Variants in SLC35F4 observed in about 807,000 individuals in gnomAD.
SLC35F4 encodes solute carrier family 35 member F4.
SLC35F4 carries 24 observed loss-of-function variants against 44.2 expected under a neutral mutation model. The observed-to-expected ratio is 0.54, with a 90% CI of 0.39 to 0.76. The LOEUF (loss-of-function observed/expected upper bound fraction) is 0.76, where lower values mean the gene tolerates loss of function less well. Ranked by LOEUF, SLC35F4 falls within the 30% of genes least tolerant of loss-of-function variation. The probability of loss-of-function intolerance (pLI) is 0.00; values close to 1 mark genes in which losing one functional copy is unlikely to be tolerated. For synonymous variants in SLC35F4, 238 were observed against 223.6 expected, an observed-to-expected ratio of 1.06 and a Z score of -0.57; for missense variants, 562 against 586.1, an observed-to-expected ratio of 0.96 and a Z score of 0.42.
Position 57,653,811 on chromosome 14 carries a change from C to T in SLC35F4, c.104-59687G>A, listed in dbSNP as rs947825869. Among the ~76,000 whole-genome samples, 8 of 152,276 alleles carry T rather than the reference C, an allele frequency of 5.3e-5. No homozygotes were observed. In the South Asian group the frequency reaches 1.2e-3, roughly 24 times the overall value. On this transcript the variant is annotated intron_variant, in intron 1 of 7. Transcript: ENST00000556826. Reference sequence around the variant, plus strand: ...GTTTGCTAGGGCTGCTGTAACAAAGCACCATAAACGGAGTGACTTAAAACA... The same window carrying T: ...GTTTGCTAGGGCTGCTGTAACAAAGTACCATAAACGGAGTGACTTAAAACA...
chr14:57,623,297 C>A (rs1179481679), intron 1 of SLC35F4, among the ~76,000 whole-genome samples: 2 of 152,100 alleles, frequency 1.3e-5, no homozygotes, highest in African/African-American at 4.8e-5. Context: ...TACAGAAGCA[C>A]CCAGATTTGT....
At chr14:57,669,880 G>C (rs1271573426) in intron 1 of SLC35F4, among the ~76,000 whole-genome samples, 5 of 152,092 alleles carry the variant, frequency 3.3e-5, no homozygotes, top group Non-Finnish European at 7.3e-5. Flanking sequence ...TTTTTCTACG[G>C]ATTGGAATAG....
At chr14:57,660,692 C>G (rs1034001614) in intron 1 of SLC35F4, among the ~76,000 whole-genome samples, 3 of 152,054 alleles carry the variant, frequency 2.0e-5, no homozygotes, top group Admixed American at 6.6e-5. Context: ...GAGCACTGCT[C>G]TGGGGGAAGC....
intron 1 of SLC35F4, among the ~76,000 whole-genome samples, chr14:57,838,713 C>T (rs1430745611): frequency 3.9e-5 from 6 of 152,036 alleles, no homozygotes; most frequent in Admixed American, 2.6e-4. Flanking sequence ...TGATCAAGTA[C>T]CAACATAAAT....
At position 57,965,467 on chromosome 14, in the gene SLC35F4, T is replaced by G. The variant is rs77766747; in HGVS notation, n.282+16446A>C. ...CTTTAATTTCATCTGCAATCTTAATTCCCCTTTACATGTAAGATCACATAC... is the reference window on the plus strand; with the variant it reads ...CTTTAATTTCATCTGCAATCTTAATGCCCCTTTACATGTAAGATCACATAC... On this transcript the variant is annotated intron_variant and non_coding_transcript_variant, in intron 1 of 1. Transcript: ENST00000556568. Among the ~76,000 whole-genome samples, 537 of 152,300 alleles carry G rather than the reference T, an allele frequency of 3.5e-3. 3 individuals are homozygous for G. The highest frequency in any genetic ancestry group is 0.012 in the African/African-American group (519 of 41,556).
intron 1 of SLC35F4, among the ~76,000 whole-genome samples, chr14:57,633,980 A>C (rs1278801966): frequency 1.3e-5 from 2 of 152,092 alleles, no homozygotes; most frequent in African/African-American, 4.8e-5. Context: ...GAGCCAGAAA[A>C]GGGGATGTAG....
intron 1 of SLC35F4, among the ~76,000 whole-genome samples, chr14:57,738,787 A>ATATATATATATATATATG (rs1491518109): frequency 4.1e-5 from 4 of 96,930 alleles, no homozygotes; most frequent in East Asian, 3.0e-4. Context: ...ATATATATAT[A>ATATATATATATATATATG]GGCTTCATAT....
intron 1 of SLC35F4, among the ~76,000 whole-genome samples, chr14:57,942,826 C>A (rs900833338): frequency 2.6e-5 from 4 of 152,180 alleles, no homozygotes; most frequent in Admixed American, 2.0e-4. Context: ...ATTTACCAAG[C>A]AATTTCATAT....
intron 1 of SLC35F4, among the ~76,000 whole-genome samples, chr14:57,629,200 C>G (rs1938598967): frequency 6.6e-6 from 1 of 152,104 alleles, no homozygotes; most frequent in South Asian, 2.1e-4. Context: ...TGTCTAGCTG[C>G]TGTTCTGAAA....
At chr14:57,727,214 T>C (rs978129028) in intron 1 of SLC35F4, among the ~76,000 whole-genome samples, 15 of 151,866 alleles carry the variant, frequency 9.9e-5, no homozygotes, top group African/African-American at 3.6e-4. Context: ...TTTATTGGTA[T>C]ATAGTAGCCA....
downstream of SLC35F4, among the ~76,000 whole-genome samples, chr14:57,974,026 T>A (rs1690141405): frequency 6.6e-6 from 1 of 152,098 alleles, no homozygotes; most frequent in Non-Finnish European, 1.5e-5. Context: ...ACATCAACCA[T>A]TTTATTAAAT....
At chr14:57,601,819 T>TG (rs2070842229) in intron 1 of SLC35F4, among the ~76,000 whole-genome samples, 2 of 152,180 alleles carry the variant, frequency 1.3e-5, no homozygotes, top group South Asian at 4.1e-4. Flanking sequence ...ACAAAAAGCC[T>TG]TGTGTATATT....
chr14:57,744,445 G>C (rs1935007203), intron 1 of SLC35F4, among the ~76,000 whole-genome samples: 1 of 151,708 alleles, frequency 6.6e-6, no homozygotes, highest in Admixed American at 6.6e-5. Flanking sequence ...GACAAATGGA[G>C]AGCCAAATCA....
At chr14:57,961,962 C>T (rs1266755812) in intron 1 of SLC35F4, among the ~76,000 whole-genome samples, 1 of 152,126 alleles carries the variant, frequency 6.6e-6, no homozygotes, top group Non-Finnish European at 1.5e-5. Flanking sequence ...GACTGAATTA[C>T]CCAACACCTG....
chr14:57,579,720 C>G (rs117378244), intron 4 of SLC35F4, among the ~76,000 whole-genome samples: 2 of 152,282 alleles, frequency 1.3e-5, no homozygotes, highest in South Asian at 2.1e-4. Flanking sequence ...ACCCCCACTT[C>G]GTGCCCTGTA....
chr14:57,954,805 A>C (rs1050658613), intron 1 of SLC35F4, among the ~76,000 whole-genome samples: 11 of 152,158 alleles, frequency 7.2e-5, no homozygotes, highest in African/African-American at 2.7e-4. Context: ...CCAAAAAAAA[A>C]GCCCAGGACC....
At chr14:57,885,600 T>A (rs894940727) in intron 1 of SLC35F4, among the ~76,000 whole-genome samples, 1 of 152,222 alleles carries the variant, frequency 6.6e-6, no homozygotes, top group Non-Finnish European at 1.5e-5. Context: ...TAAAGGTACA[T>A]GAATTAAAAT....
At chr14:57,794,811 G>A (rs745758702) in intron 1 of SLC35F4, among the ~76,000 whole-genome samples, 1 of 151,968 alleles carries the variant, frequency 6.6e-6, no homozygotes, top group African/African-American at 2.4e-5. Context: ...TCGAAAATAG[G>A]TGCTTCATGA....
chr14:57,945,439 ATGTGTGTGTGTGTGTGTGTGTGTGTG>A (rs58976756), intron 1 of SLC35F4, among the ~76,000 whole-genome samples: 3 of 104,690 alleles, frequency 2.9e-5, no homozygotes, highest in African/African-American at 4.8e-5. Context: ...AGCAATGATA[ATGTGTGTGTGTGTGTGTGTGTGTGTG>A]TGTGTGTGTG....
Sources: gnomAD v4.1 joint callset for allele counts (sites outside exome capture counted in the v4.1 genomes callset) on GRCh38, gnomAD v4.1.1 for gene constraint, MANE v1.5 for transcripts, NCBI Gene and HGNC (gene_info 2026-07-23, HGNC 2026-07-21) for gene names.